The following FRMPD3 variants were observed in gnomAD, a reference collection of about 807,000 sequenced individuals.
FRMPD3 encodes FERM and PDZ domain containing 3, also known as FERM and PDZ domain-containing protein 3.
A neutral mutation model predicts 97.9 loss-of-function variants in FRMPD3; 42 were observed. The ratio of observed to expected loss-of-function variants is 0.43; its 90% CI spans 0.34 to 0.55. FRMPD3 has a LOEUF of 0.55. Ranked by LOEUF, FRMPD3 falls within the 20% of genes least tolerant of loss-of-function variation. The pLI, the probability that FRMPD3 is intolerant of heterozygous loss-of-function variation, is 0.03. For missense variants in FRMPD3, 1,303 were observed against 1,457.7 expected, an observed-to-expected ratio of 0.89 and a Z score of 1.73; for synonymous variants, 577 against 581.1, an observed-to-expected ratio of 0.99 and a Z score of 0.10.
At chrX:107,569,789 G>A (rs1922794305) in intron 12 of FRMPD3, among the ~76,000 whole-genome samples, 1 of 112,148 alleles carries the variant, frequency 8.9e-6, no homozygotes, top group Admixed American at 9.5e-5. Context: ...GCTGAGATGG[G>A]TGGATTGTTT....
rs543053923 is a variant in FRMPD3, at chrX:107,453,749, T to C, written c.-8+3744T>C. On this transcript the variant is annotated intron_variant, in intron 1 of 14. Coordinates refer to ENST00000683843, the MANE Select transcript of FRMPD3 (RefSeq NM_001388459.1). ...GCTGCCAAAGGCAAGGACAGTGATC[T>C]TGGGGTTCTGTATTATTTCCCACCC... Among the ~76,000 whole-genome samples the C allele has an allele frequency of 5.0e-4, 56 of 111,398 alleles. No individual in the cohort carries two copies. In the Middle Eastern group the frequency reaches 0.014, roughly 28 times the overall value.
At position 107,597,562 on chromosome X, in the gene FRMPD3, G is replaced by C; in HGVS notation, c.1683G>C (p.Lys561Asn). Reference protein sequence around the residue: ...IFFEETRPRTKSDPTSKSSGQ... With the variant: ...IFFEETRPRTNSDPTSKSSGQ... ...TTGAGGAGACCAGGCCCCGAACCAA[G>C]TCTGACCCCACATCCAAAAGCTCTG... is the stretch of plus-strand genomic sequence containing the variant. The change falls in exon 14 of 15, where the codon AAG (lysine) becomes AAC (asparagine). Residue 561 changes from lysine (K) to asparagine (N), a missense_variant. Physicochemically the swap from Lys to Asn is moderately conservative, Grantham distance 94 (BLOSUM62 0). Around this residue, in one of 3 missense-constraint regions of FRMPD3, gnomAD observed 535 missense variants for 618.6 expected, o/e 0.86. Coordinates refer to ENST00000683843, the MANE Select transcript of FRMPD3 (RefSeq NM_001388459.1). 1.7e-6 allele frequency: 2 copies of C among 1,210,959 alleles called. No homozygotes were observed. Among genetic ancestry groups the C allele is most frequent in the Non-Finnish European group, 2.2e-6 (2 of 895,456 alleles).
intron 4 of FRMPD3, among the ~76,000 whole-genome samples, chrX:107,543,622 C>A (rs763287702): frequency 9.1e-6 from 1 of 110,065 alleles, no homozygotes; most frequent in East Asian, 2.8e-4. Flanking sequence ...TCGAGACCAG[C>A]CTGGCCAACA....
At chrX:107,589,338 T>C (rs997302406) in intron 13 of FRMPD3, among the ~76,000 whole-genome samples, 4 of 111,194 alleles carry the variant, frequency 3.6e-5, no homozygotes, top group Non-Finnish European at 7.5e-5. Context: ...CTTTCAATGG[T>C]CAGGTCCCTC....
intron 8 of FRMPD3, among the ~76,000 whole-genome samples, chrX:107,555,647 CA>C (rs2147588459): frequency 8.9e-6 from 1 of 112,123 alleles, no homozygotes; most frequent in Non-Finnish European, 1.9e-5. Flanking sequence ...TGCTGTGCCC[CA>C]TCCAAGACCA....
rs1475779347 is a variant in FRMPD3 at position 107,565,061 on chromosome X, G to A, written c.1291G>A (p.Ala431Thr). The stretch of plus-strand genomic sequence containing the variant: ...CCGGGTGGAGACCAGCATCATGGAT[G>A]CCAAGGTAAGCCCTGCTTTGAGGGC... ...VARVETSIMD[A>T]KPLVLLMEWP... The change falls in exon 12 of 15, where the codon GCC becomes ACC. Residue 431 changes from alanine (A) to threonine (T), a missense_variant. By Grantham distance (58) the Ala-to-Thr change is moderately conservative (BLOSUM62 0). This residue lies in a region of FRMPD3 where 535 missense variants were observed against 618.6 expected (regional missense o/e 0.86). Coordinates refer to ENST00000683843, the MANE Select transcript of FRMPD3 (RefSeq NM_001388459.1). The A allele has an allele frequency of 2.5e-6, 3 of 1,178,161 alleles. No homozygotes were observed. The South Asian group carries it at 5.9e-5, about 23-fold the overall frequency.
chrX:107,596,505 G>A (rs1310031345), intron 13 of FRMPD3, among the ~76,000 whole-genome samples: 1 of 112,232 alleles, frequency 8.9e-6, no homozygotes, highest in Non-Finnish European at 1.9e-5. Flanking sequence ...CACAGATAAA[G>A]CATTTGCTAT....
chrX:107,603,068 G>C lies in FRMPD3; in HGVS notation c.5029G>C (p.Val1677Leu). The part of the protein sequence containing the change: ...SSLIETFVRL[V>L]FIVRSEAQRQ... ...CCTCATTGAGACCTTCGTGCGGCTG[G>C]TGTTCATTGTGCGCTCCGAGGCCCA... Residue 1677 changes from valine to leucine, a missense_variant, in exon 15 of 15, where the codon GTG becomes CTG. By Grantham distance (32) the Val-to-Leu change is conservative (BLOSUM62 1). Coordinates refer to ENST00000683843, the MANE Select transcript of FRMPD3 (RefSeq NM_001388459.1). 1 of 1,209,431 alleles carries C rather than the reference G, an allele frequency of 8.3e-7. No individual in the cohort carries two copies.
chrX:107,538,555 A>C (rs1310508687), intron 4 of FRMPD3, among the ~76,000 whole-genome samples: 1 of 108,161 alleles, frequency 9.2e-6, no homozygotes, highest in Non-Finnish European at 1.9e-5. Context: ...AAAAAAAAAA[A>C]AAAAAAAAAA....
At chrX:107,485,522 T>C (rs751046896) in intron 1 of FRMPD3, among the ~76,000 whole-genome samples, 11 of 112,839 alleles carry the variant, frequency 9.7e-5, no homozygotes, top group Non-Finnish European at 1.9e-4. Flanking sequence ...CTGGGTTTAA[T>C]TGGCTTCCTA....
At chrX:107,580,910 C>T (rs1923350058) in intron 13 of FRMPD3, among the ~76,000 whole-genome samples, 1 of 111,357 alleles carries the variant, frequency 9.0e-6, no homozygotes, top group Non-Finnish European at 1.9e-5. Flanking sequence ...TCTGAAGTCA[C>T]AGAGACTTGG....
intron 1 of FRMPD3, chrX:107,525,793 GA>G: frequency 2.2e-6 from 1 of 458,846 alleles, no homozygotes; most frequent in South Asian, 3.1e-5. Context: ...GCATCAAGAT[GA>G]GCCAGGCATG....
chrX:107,591,485 A>G (rs1453204821), intron 13 of FRMPD3, among the ~76,000 whole-genome samples: 2 of 112,237 alleles, frequency 1.8e-5, no homozygotes, highest in Non-Finnish European at 3.8e-5. Context: ...GAATTTGTCC[A>G]TACCGTTTAG....
At chrX:107,506,000 G>A (rs895958434) in intron 1 of FRMPD3, among the ~76,000 whole-genome samples, 1 of 112,011 alleles carries the variant, frequency 8.9e-6, no homozygotes, top group African/African-American at 3.2e-5. Flanking sequence ...TGGAAGGGGT[G>A]TCTGAGAACA....
intron 7 of FRMPD3, 100 bp downstream of exon 7, chrX:107,553,026 G>A (rs1438892096): frequency 5.9e-5 from 54 of 922,659 alleles, no homozygotes; most frequent in African/African-American, 2.0e-5. Context: ...ATGCTCAGCC[G>A]GTTCCCAGAA....
At chrX:107,593,051 C>T (rs1215927802) in intron 13 of FRMPD3, among the ~76,000 whole-genome samples, 1 of 111,681 alleles carries the variant, frequency 9.0e-6, no homozygotes, top group African/African-American at 3.2e-5. Flanking sequence ...GCTGGGATTA[C>T]AGGCATGTGC....
At chrX:107,583,752 TG>T (rs1923508512) in intron 13 of FRMPD3, among the ~76,000 whole-genome samples, 1 of 112,120 alleles carries the variant, frequency 8.9e-6, no homozygotes, top group East Asian at 2.8e-4. Flanking sequence ...TAGCATTTAT[TG>T]TTTCCTGACT....
At chrX:107,513,091 A>T (rs1922210466) in intron 1 of FRMPD3, 1 of 112,110 alleles carries the variant, frequency 8.9e-6, no homozygotes, top group Admixed American at 9.4e-5. Flanking sequence ...TTGAAGCATT[A>T]TGGGGTTGGT....
At chrX:107,523,323 C>T (rs1922573775) in intron 1 of FRMPD3, among the ~76,000 whole-genome samples, 1 of 111,926 alleles carries the variant, frequency 8.9e-6, no homozygotes, top group African/African-American at 3.2e-5. Flanking sequence ...GTTAGTCCAG[C>T]TCAGTTAGGG....
Sources: gnomAD v4.1 joint callset for allele counts (sites outside exome capture counted in the v4.1 genomes callset) on GRCh38, gnomAD v4.1.1 for gene constraint, gnomAD v4.1.1 regional missense constraint, MANE v1.5 for transcripts, NCBI Gene and HGNC (gene_info 2026-07-23, HGNC 2026-07-21) for gene names.